The following ZFPM2 variants were observed in gnomAD, a reference collection of about 807,000 sequenced individuals.
The protein encoded by ZFPM2 is zinc finger protein, FOG family member 2, also known as zinc finger protein ZFPM2.
ZFPM2 carries 20 observed loss-of-function variants against 98.6 expected under a neutral mutation model. The ratio of observed to expected loss-of-function variants is 0.20; its 90% CI spans 0.14 to 0.29. The LOEUF is 0.29. ZFPM2 is among the 10% of genes least tolerant of loss of function. The pLI, the probability that ZFPM2 is intolerant of heterozygous loss-of-function variation, is 1.00. For missense variants in ZFPM2, 1,310 were observed against 1,388.6 expected (o/e 0.94, Z 0.90); for synonymous variants, 518 against 502.7 (o/e 1.03, Z -0.41).
At chr8:105,654,256 T>A (rs1481210122) in intron 5 of ZFPM2, among the ~76,000 whole-genome samples, 5 of 150,616 alleles carry the variant, frequency 3.3e-5, no homozygotes, top group Non-Finnish European at 7.4e-5. Flanking sequence ...ACATTTCAAG[T>A]TGTCGACAAC....
intron 4 of ZFPM2, among the ~76,000 whole-genome samples, chr8:105,614,680 T>C (rs191951293): frequency 9.9e-5 from 15 of 152,254 alleles, no homozygotes; most frequent in East Asian, 9.7e-4. Flanking sequence ...CGGGACCCTA[T>C]GCACCAGTCC....
intron 4 of ZFPM2, among the ~76,000 whole-genome samples, chr8:105,590,994 A>G (rs1160218289): frequency 6.6e-6 from 1 of 152,228 alleles, no homozygotes; most frequent in Admixed American, 6.5e-5. Flanking sequence ...AGTATTTATC[A>G]GTTGTGGGCA....
At chr8:105,452,507 G>A (rs1348667767) in intron 3 of ZFPM2, among the ~76,000 whole-genome samples, 1 of 151,820 alleles carries the variant, frequency 6.6e-6, no homozygotes, top group Non-Finnish European at 1.5e-5. Context: ...CAGTGCTTTG[G>A]GATGCCTCGG....
intron 3 of ZFPM2, among the ~76,000 whole-genome samples, chr8:105,457,067 C>T (rs1351606300): frequency 6.6e-6 from 1 of 152,132 alleles, no homozygotes; most frequent in Non-Finnish European, 1.5e-5. Context: ...TGATATATTA[C>T]ATTTGCTAAC....
intron 5 of ZFPM2, among the ~76,000 whole-genome samples, chr8:105,642,449 A>C (rs1475572077): frequency 6.6e-6 from 1 of 152,142 alleles, no homozygotes; most frequent in Non-Finnish European, 1.5e-5. Flanking sequence ...TTTGAAAATC[A>C]TTCTTTGTCT....
intron 2 of ZFPM2, among the ~76,000 whole-genome samples, chr8:105,432,659 C>A (rs1232084996): frequency 6.6e-6 from 1 of 152,034 alleles, no homozygotes; most frequent in Non-Finnish European, 1.5e-5. Flanking sequence ...TTCTTTGGAA[C>A]AAGAAATGTC....
chr8:105,400,327 T>C (rs1033026858), intron 1 of ZFPM2, among the ~76,000 whole-genome samples: 1 of 152,136 alleles, frequency 6.6e-6, no homozygotes, highest in African/African-American at 2.4e-5. Context: ...GTTAGTTACA[T>C]ATGTATACAT....
At chr8:105,405,976 C>A (rs1811448903) in intron 1 of ZFPM2, among the ~76,000 whole-genome samples, 1 of 152,136 alleles carries the variant, frequency 6.6e-6, no homozygotes, top group African/African-American at 2.4e-5. Flanking sequence ...GCCATTCTGA[C>A]TGGTGTGAGA....
chr8:105,443,331 A>C lies in ZFPM2; in HGVS notation c.200-949A>C, dbSNP rs192844469. ...CCTTCTCAAAAAACAAAAAACAAAA[A>C]AAAAAAAACTTGGCATTATTAAATT... On this transcript the variant is annotated intron_variant, in intron 2 of 7. Coordinates refer to ENST00000407775, the MANE Select transcript of ZFPM2 (RefSeq NM_012082.4). Among the ~76,000 whole-genome samples, 119 of 151,236 alleles carry C rather than the reference A, an allele frequency of 7.9e-4. 6 individuals are homozygous for C. Among genetic ancestry groups the C allele is most frequent in the East Asian group, 1.2e-3 (6 of 5,166 alleles).
chr8:105,481,506 C>T lies in ZFPM2; in HGVS notation c.301+37125C>T, dbSNP rs527431417. On this transcript the variant is annotated intron_variant, in intron 3 of 7. Coordinates refer to ENST00000407775, the MANE Select transcript of ZFPM2 (RefSeq NM_012082.4). ...TCCTCCTCTTATAAGGACTCTAATC[C>T]TATTGGATTAGGCTCCTAAATTTAT... Among the ~76,000 whole-genome samples, 262 of 152,170 alleles carry T rather than the reference C, an allele frequency of 1.7e-3. 1 individual carries two copies. The highest frequency in any genetic ancestry group is 6.1e-3 in the African/African-American group (255 of 41,524).
chr8:105,580,827 C>CTA (rs3049323), intron 4 of ZFPM2, among the ~76,000 whole-genome samples: 3,943 of 131,406 alleles, frequency 0.03, 91 homozygotes, highest in African/African-American at 0.066. Context: ...CTCTCTCTCT[C>CTA]TATATATATA....
intron 5 of ZFPM2, among the ~76,000 whole-genome samples, chr8:105,671,492 A>T (rs936237254): frequency 4.6e-5 from 7 of 151,958 alleles, no homozygotes; most frequent in Non-Finnish European, 1.0e-4. Context: ...ATCAGAGGAA[A>T]AAAAAGAATT....
intron 1 of ZFPM2, among the ~76,000 whole-genome samples, chr8:105,370,713 A>C (rs1810604770): frequency 6.6e-6 from 1 of 152,224 alleles, no homozygotes; most frequent in African/African-American, 2.4e-5. Context: ...CTTTGTGTTA[A>C]GGAGTGTTGC....
chr8:105,658,220 G>A (rs1290721273), intron 5 of ZFPM2, among the ~76,000 whole-genome samples: 3 of 152,128 alleles, frequency 2.0e-5, no homozygotes, highest in African/African-American at 7.2e-5. Context: ...AGAAAAGGAA[G>A]GACACAAGTC....
At chr8:105,479,681 T>A (rs151302639) in intron 3 of ZFPM2, among the ~76,000 whole-genome samples, 1 of 152,332 alleles carries the variant, frequency 6.6e-6, no homozygotes, top group African/African-American at 2.4e-5. Context: ...GCTCATTGGC[T>A]TGTTACTGGA....
chr8:105,478,244 G>C (rs1448749026), intron 3 of ZFPM2, among the ~76,000 whole-genome samples: 1 of 152,166 alleles, frequency 6.6e-6, no homozygotes, highest in Non-Finnish European at 1.5e-5. Context: ...GGCTTCTCTT[G>C]TGTAGTGTTT....
At chr8:105,342,209 C>A (rs535831583) in intron 1 of ZFPM2, among the ~76,000 whole-genome samples, 2 of 152,076 alleles carry the variant, frequency 1.3e-5, no homozygotes, top group African/African-American at 4.8e-5. Context: ...GATAAGTTAA[C>A]CTTTCTGCCA....
rs1200206179 is a variant in ZFPM2 at position 105,669,242 on chromosome 8, A to G, written c.532+34885A>G. Among the ~76,000 whole-genome samples the G allele has an allele frequency of 2.0e-5, 3 of 152,026 alleles. No homozygotes were observed. In the East Asian group the frequency reaches 5.8e-4, roughly 29 times the overall value. On this transcript the variant is annotated intron_variant, in intron 5 of 7. Transcript: ENST00000407775. ...TGGATATAGACAGTCTTCAATACAT[A>G]TATACGTAATGTCTTGTGATTTATT...
At chr8:105,738,127 G>A (rs1235506618) in intron 5 of ZFPM2, among the ~76,000 whole-genome samples, 2 of 151,814 alleles carry the variant, frequency 1.3e-5, no homozygotes, top group African/African-American at 2.4e-5. Flanking sequence ...CCAGGTATTA[G>A]CCTCGTATTC....
Sources: gnomAD v4.1 joint callset for allele counts (sites outside exome capture counted in the v4.1 genomes callset) on GRCh38, gnomAD v4.1.1 for gene constraint, MANE v1.5 for transcripts, NCBI Gene and HGNC (gene_info 2026-07-23, HGNC 2026-07-21) for gene names.